The following KIF26B variants were observed in gnomAD, a reference collection of about 807,000 sequenced individuals.
KIF26B encodes kinesin family member 26B.
In KIF26B, 63 loss-of-function variants were observed where a neutral mutation model predicts 151.2. The ratio of observed to expected loss-of-function variants is 0.42; its 90% confidence interval spans 0.34 to 0.51. The LOEUF is 0.51. KIF26B is among the 20% of genes least tolerant of loss of function. The pLI is 0.07. For synonymous variants in KIF26B, 1,357 were observed against 1,262.1 expected (o/e 1.08, Z -1.59); for missense variants, 2,813 against 2,913.6 (o/e 0.97, Z 0.79).
intron 10 of KIF26B, among the ~76,000 whole-genome samples, chr1:245,683,213 G>A (rs1468765977): frequency 1.3e-5 from 2 of 152,166 alleles, no homozygotes; most frequent in Admixed American, 6.5e-5. Context: ...GAGCTTTGCA[G>A]GGGATGGGTG....
chr1:245,448,449 A>G (rs1263723315), intron 4 of KIF26B, among the ~76,000 whole-genome samples: 3 of 152,176 alleles, frequency 2.0e-5, no homozygotes, highest in African/African-American at 7.2e-5. Context: ...ACCTCAGGTG[A>G]TCTGCCCACC....
intron 3 of KIF26B, among the ~76,000 whole-genome samples, chr1:245,407,615 A>G (rs1017366273): frequency 6.6e-6 from 1 of 152,158 alleles, no homozygotes; most frequent in Non-Finnish European, 1.5e-5. Context: ...TACCCTATTC[A>G]CCATGTTAAA....
At position 245,265,800 on chromosome 1, in the gene KIF26B, G is replaced by C. The variant is rs116354236; in HGVS notation, c.466-101034G>C. On this transcript the variant is annotated intron_variant, in intron 2 of 14. Transcript: ENST00000407071. ...CTTTTGTATTTTATACAGAGATGGG[G>C]TTTTGCCATGTTGCTCAAGCTGGTT... Among the ~76,000 whole-genome samples the C allele has an allele frequency of 3.3e-3, 500 of 152,126 alleles. 3 individuals carry two copies. The highest frequency in any genetic ancestry group is 0.011 in the African/African-American group (469 of 41,504).
intron 2 of KIF26B, among the ~76,000 whole-genome samples, chr1:245,189,005 G>C (rs4658446): frequency 6.6e-6 from 1 of 152,262 alleles, no homozygotes; most frequent in Admixed American, 6.5e-5. Flanking sequence ...AAAGTAATCA[G>C]ACTCAGACAG....
chr1:245,699,578 G>A (rs1393317002), intron 14 of KIF26B, among the ~76,000 whole-genome samples: 1 of 150,796 alleles, frequency 6.6e-6, no homozygotes, highest in Non-Finnish European at 1.5e-5. Context: ...TAACAATTCA[G>A]GACAATTTTG....
chr1:245,439,957 C>G (rs953027458), intron 4 of KIF26B, among the ~76,000 whole-genome samples: 3 of 152,208 alleles, frequency 2.0e-5, no homozygotes, highest in African/African-American at 4.8e-5. Flanking sequence ...TGCGGTGGCT[C>G]ACGCCTGTAA....
intron 3 of KIF26B, among the ~76,000 whole-genome samples, chr1:245,390,650 A>G (rs998160018): frequency 3.3e-5 from 5 of 152,122 alleles, no homozygotes; most frequent in African/African-American, 9.7e-5. Context: ...AGTAGAATAC[A>G]TTTTTACTTG....
intron 4 of KIF26B, among the ~76,000 whole-genome samples, chr1:245,539,723 G>A (rs967779756): frequency 6.6e-6 from 1 of 152,176 alleles, no homozygotes; most frequent in Admixed American, 6.5e-5. Flanking sequence ...CGCTATCTGG[G>A]CTCACTGCAA....
chr1:245,590,122 C>T (rs1572144580), intron 5 of KIF26B, among the ~76,000 whole-genome samples: 1 of 129,236 alleles, frequency 7.7e-6, no homozygotes, highest in Non-Finnish European at 1.6e-5. Context: ...CTGGGCCCCG[C>T]GGGGTCGGGG....
chr1:245,445,712 T>A (rs1484242492), intron 4 of KIF26B, among the ~76,000 whole-genome samples: 2 of 152,218 alleles, frequency 1.3e-5, no homozygotes, highest in African/African-American at 4.8e-5. Context: ...TCACCGAGTA[T>A]CCGCCTTGCT....
intron 2 of KIF26B, among the ~76,000 whole-genome samples, chr1:245,222,607 A>G (rs1669796834): frequency 6.6e-6 from 1 of 152,212 alleles, no homozygotes; most frequent in African/African-American, 2.4e-5. Flanking sequence ...AAAATCAATA[A>G]ATGAGCCTGA....
At position 245,540,685 on chromosome 1, in the gene KIF26B, GTTGT is replaced by G. The variant is rs755562304; in HGVS notation, c.1167-79_1167-76del. On this transcript the variant is annotated intron_variant, in intron 4 of 14. Transcript: ENST00000407071. This position sits in a 1 kb window ranked among gnomAD's most constrained non-coding sequence, Gnocchi z 4.6. ...GATTAGGCCTCAGAAAGAACGAGGGGTTGTTTAAGAGAAAACGAAGTAAGCCTAG... is the reference window on the plus strand; with the variant it reads ...GATTAGGCCTCAGAAAGAACGAGGGGTTAAGAGAAAACGAAGTAAGCCTAG... 24 of 1,258,072 alleles carry G rather than the reference GTTGT, an allele frequency of 1.9e-5. 1 individual carries two copies. Among genetic ancestry groups the G allele is most frequent in the South Asian group, 1.5e-4 (13 of 83,970 alleles). 77.9% of individuals were successfully genotyped at this position (1,258,072 alleles called of 1,614,324 possible).
chr1:245,642,089 T>TG (rs2043897952), intron 9 of KIF26B, among the ~76,000 whole-genome samples: 1 of 152,214 alleles, frequency 6.6e-6, no homozygotes, highest in Admixed American at 6.5e-5. Flanking sequence ...CAAACGGACC[T>TG]GGGGAAGACC....
intron 4 of KIF26B, among the ~76,000 whole-genome samples, chr1:245,494,895 C>T (rs1241912439): frequency 6.6e-6 from 1 of 151,956 alleles, no homozygotes; most frequent in Non-Finnish European, 1.5e-5. Flanking sequence ...CAAAAATTAG[C>T]CAGGCATGGT....
rs1441042970 is a variant in KIF26B at position 245,358,612 on chromosome 1, A to C, written c.466-8222A>C. Among the ~76,000 whole-genome samples, 3 of 152,232 alleles carry C rather than the reference A, an allele frequency of 2.0e-5. No homozygotes were observed. The highest frequency in any genetic ancestry group is 7.2e-5 in the African/African-American group (3 of 41,468). ...TTAAAAGAAAAAGAAACATTAAGCA[A>C]TTTTATAATTAGATAATTAACAGAA... On this transcript the variant is annotated intron_variant, in intron 2 of 14. Transcript: ENST00000407071. The surrounding 1 kb of genome is among the most constrained non-coding windows in gnomAD (Gnocchi z 4.1).
At chr1:245,276,646 C>G (rs1365897618) in intron 2 of KIF26B, among the ~76,000 whole-genome samples, 2 of 152,194 alleles carry the variant, frequency 1.3e-5, no homozygotes, top group East Asian at 1.9e-4. Context: ...TTTCCTCTTG[C>G]TTACACTGTG....
chr1:245,436,553 G>A lies in KIF26B; in HGVS notation c.1166+16808G>A, dbSNP rs563650066. 2.4e-4 allele frequency among the ~76,000 whole-genome samples: 37 copies of A among 152,314 alleles called. No individual in the cohort carries two copies. In the South Asian group the frequency reaches 7.5e-3, roughly 31 times the overall value. ...GCTGGAGATTCCAGCAGGAGTTGAT[G>A]TTGCAGCCTGGAGTCCAGAGGCAGT... On this transcript the variant is annotated intron_variant, in intron 4 of 14. Transcript: ENST00000407071.
chr1:245,613,370 A>G (rs1253504868), intron 9 of KIF26B, among the ~76,000 whole-genome samples: 1 of 152,156 alleles, frequency 6.6e-6, no homozygotes, highest in Non-Finnish European at 1.5e-5. Flanking sequence ...TGGAAGGCCA[A>G]GGTGGTTAGA....
chr1:245,174,469 T>C (rs1668768847), intron 2 of KIF26B, among the ~76,000 whole-genome samples: 1 of 149,916 alleles, frequency 6.7e-6, no homozygotes, highest in African/African-American at 2.4e-5. Context: ...GAAACTCTTT[T>C]TTTACTCCTA....
Sources: allele counts gnomAD v4.1 joint callset (sites outside exome capture counted in the v4.1 genomes callset), GRCh38; gene constraint gnomAD v4.1.1; non-coding constraint Gnocchi (gnomAD v3.1); transcripts MANE v1.5; gene names NCBI Gene and HGNC (gene_info 2026-07-23, HGNC 2026-07-21).